Variants in OCM observed in about 807,000 individuals in gnomAD.
OCM encodes the protein oncomodulin, also known as oncomodulin-1.
OCM carries 18 observed loss-of-function variants against 14.1 expected under a neutral mutation model. The ratio of observed to expected loss-of-function variants is 1.28; its 90% CI spans 0.88 to 1.89. The LOEUF is 1.89. OCM is among the 40% of genes most tolerant of loss of function. OCM has a pLI of 0.00. For synonymous variants in OCM, 48 were observed against 51.0 expected, an observed-to-expected ratio of 0.94 and a Z score of 0.25; for missense variants, 140 against 137.6, an observed-to-expected ratio of 1.02 and a Z score of -0.09.
chr7:5,884,677 T>C (rs1431305925), intron 3 of OCM, among the ~76,000 whole-genome samples: 2 of 150,382 alleles, frequency 1.3e-5, no homozygotes, highest in African/African-American at 2.4e-5. Flanking sequence ...CTGGTGGTGC[T>C]AATTTGAAAT....
At chr7:5,885,604 C>G (rs1446546912) in intron 3 of OCM, among the ~76,000 whole-genome samples, 1 of 147,958 alleles carries the variant, frequency 6.8e-6, no homozygotes, top group Non-Finnish European at 1.5e-5. Context: ...TTTTTTCTTT[C>G]TTTCTTTCCT....
At chr7:5,876,874 C>T (rs1172214881), upstream of OCM, among the ~76,000 whole-genome samples, 3 of 150,580 alleles carry the variant, frequency 2.0e-5, no homozygotes, top group Non-Finnish European at 4.4e-5. Flanking sequence ...GGTGCGATCT[C>T]GGCTCACCGC....
the OCM span, among the ~76,000 whole-genome samples, chr7:5,872,280 C>T: frequency 6.6e-6 from 1 of 152,280 alleles, no homozygotes; most frequent in East Asian, 1.9e-4. Flanking sequence ...GGGAAACACA[C>T]AAGCTGTCCT....
the OCM span, among the ~76,000 whole-genome samples, chr7:5,860,353 T>C: frequency 6.8e-6 from 1 of 148,076 alleles, no homozygotes; most frequent in South Asian, 2.1e-4. Flanking sequence ...TGTGTGTGTG[T>C]ATATATATAT....
chr7:5,878,929 C>G (rs1183639088), upstream of OCM, among the ~76,000 whole-genome samples: 2 of 149,536 alleles, frequency 1.3e-5, no homozygotes, highest in Non-Finnish European at 3.0e-5. Flanking sequence ...TCCTGTAATC[C>G]CAGCACTTTA....
At chr7:5,880,979 T>C in intron 1 of OCM, 29 bp downstream of exon 1, 1 of 1,604,108 alleles carries the variant, frequency 6.2e-7, no homozygotes. Context: ...GGGGGTGGGA[T>C]TTCCTCACAG....
At chr7:5,864,599 A>G in the OCM span, among the ~76,000 whole-genome samples, 3 of 152,136 alleles carry the variant, frequency 2.0e-5, no homozygotes, top group African/African-American at 4.8e-5. Context: ...TCTAGACGGC[A>G]TCCTCAAAGA....
intron 2 of OCM, among the ~76,000 whole-genome samples, chr7:5,883,597 G>C (rs1485044314): frequency 1.3e-5 from 2 of 151,910 alleles, no homozygotes; most frequent in African/African-American, 4.8e-5. Context: ...TGAGGCAGGA[G>C]GATTGATTGA....
chr7:5,860,575 A>AT, the OCM span, among the ~76,000 whole-genome samples: 1 of 82,998 alleles, frequency 1.2e-5, no homozygotes, highest in Non-Finnish European at 2.4e-5. Context: ...GTGTGTATAT[A>AT]TATTACGTAT....
At chr7:5,864,210 A>G in the OCM span, among the ~76,000 whole-genome samples, 82,566 of 151,118 alleles carry the variant, frequency 0.55, 24,284 homozygotes, top group African/African-American at 0.77. Context: ...ATGGTGGTGC[A>G]TGCCTGTGGT....
At chr7:5,865,161 C>G in the OCM span, among the ~76,000 whole-genome samples, 1 of 151,892 alleles carries the variant, frequency 6.6e-6, no homozygotes, top group African/African-American at 2.4e-5. Context: ...TCAGGTGTTT[C>G]CTGGCCAGCG....
At chr7:5,866,370 G>T in the OCM span, among the ~76,000 whole-genome samples, 2 of 62,240 alleles carry the variant, frequency 3.2e-5, no homozygotes, top group African/African-American at 2.7e-4. Flanking sequence ...AGGAGGAAGG[G>T]AGGGAGGAAA....
chr7:5,866,576 G>A, the OCM span, among the ~76,000 whole-genome samples: 1 of 152,062 alleles, frequency 6.6e-6, no homozygotes, highest in African/African-American at 2.4e-5. Context: ...AAATTTCGTT[G>A]ACTTATTATA....
the OCM span, among the ~76,000 whole-genome samples, chr7:5,869,867 G>A: frequency 6.6e-5 from 10 of 152,122 alleles, no homozygotes; most frequent in Middle Eastern, 3.4e-3. Flanking sequence ...CCTTGCTCCC[G>A]CCCCTGACAT....
Position 5,880,915 on chromosome 7 carries a change from C to T in OCM, c.26C>T (p.Ala9Val), listed in dbSNP as rs1185343947. ...ATGAGCATCACGGACGTGCTCAGTG[C>T]TGACGACATTGCAGCAGCGCTCCAG... The part of the protein sequence containing the change: MSITDVLS[A>V]DDIAAALQEC... Residue 9 changes from alanine to valine, a missense_variant, in exon 1 of 4, where the codon GCT (alanine) becomes GTT (valine). By Grantham distance (64) the Ala-to-Val change is moderately conservative. Transcript: ENST00000242104. 27 of 1,614,026 alleles carry T rather than the reference C, an allele frequency of 1.7e-5. No homozygotes were observed. Among genetic ancestry groups the T allele is most frequent in the Non-Finnish European group, 2.2e-5 (26 of 1,179,964 alleles).
chr7:5,874,934 C>A (rs533508007), upstream of OCM, among the ~76,000 whole-genome samples: 5 of 152,170 alleles, frequency 3.3e-5, no homozygotes, highest in South Asian at 2.1e-4. Flanking sequence ...CTCACTCCAC[C>A]CAGCCCTGCT....
upstream of OCM, among the ~76,000 whole-genome samples, chr7:5,877,395 G>T (rs1781115773): frequency 6.7e-6 from 1 of 148,308 alleles, no homozygotes; most frequent in Non-Finnish European, 1.5e-5. Flanking sequence ...CTGAGCCCAG[G>T]AGGTCAAGGC....
At chr7:5,882,122 G>T (rs954536517) in intron 1 of OCM, among the ~76,000 whole-genome samples, 1 of 117,236 alleles carries the variant, frequency 8.5e-6, no homozygotes, top group African/African-American at 3.3e-5. Context: ...AAAAAAAAGC[G>T]CCAAAGGCCA....
chr7:5,881,372 A>G lies in OCM; in HGVS notation c.61+422A>G, dbSNP rs113468892. Reference sequence around the variant, plus strand: ...ATGGTGGCTCACATCTGTAATCCCAACACTTTTTGGAGGCCAAGGTGAGAG... The same window carrying G: ...ATGGTGGCTCACATCTGTAATCCCAGCACTTTTTGGAGGCCAAGGTGAGAG... On this transcript the variant is annotated intron_variant, in intron 1 of 3. Transcript: ENST00000242104. 5.1e-3 allele frequency among the ~76,000 whole-genome samples: 766 copies of G among 150,906 alleles called. 8 individuals carry two copies. Among genetic ancestry groups the G allele is most frequent in the African/African-American group, 0.018 (738 of 41,158 alleles).
Sources: allele counts gnomAD v4.1 joint callset (sites outside exome capture counted in the v4.1 genomes callset), GRCh38; gene constraint gnomAD v4.1.1; transcripts MANE v1.5; gene names NCBI Gene and HGNC (gene_info 2026-07-23, HGNC 2026-07-21).